Variants in HDGFL2 observed in about 807,000 individuals in gnomAD.
The protein encoded by HDGFL2 is HDGF like 2.
In HDGFL2, 36 loss-of-function variants were observed where a neutral mutation model predicts 77.1. That is an observed-to-expected ratio of 0.47 (90% CI 0.36 to 0.62). The LOEUF (loss-of-function observed/expected upper bound fraction) is 0.62. Ranked by LOEUF, HDGFL2 falls within the 20% of genes least tolerant of loss-of-function variation. The probability of loss-of-function intolerance (pLI) is 0.00; values close to 1 mark genes in which losing one functional copy is unlikely to be tolerated. For missense variants in HDGFL2, 976 were observed against 973.4 expected, an observed-to-expected ratio of 1.00 and a Z score of -0.04; for synonymous variants, 463 against 413.1, an observed-to-expected ratio of 1.12 and a Z score of -1.46.
intron 3 of HDGFL2, among the ~76,000 whole-genome samples, chr19:4,479,040 A>T (rs887051453): frequency 5.9e-5 from 9 of 151,720 alleles, no homozygotes; most frequent in African/African-American, 2.2e-4. Context: ...GGGGTTGCTC[A>T]GATGGGCCAG....
intron 3 of HDGFL2, among the ~76,000 whole-genome samples, chr19:4,487,421 TA>T: frequency 6.6e-6 from 1 of 152,106 alleles, no homozygotes; most frequent in Non-Finnish European, 1.5e-5. Context: ...CACACCTTGC[TA>T]ATATGTGCAT....
chr19:4,497,793 C>T (rs1975745754), intron 10 of HDGFL2, 165 bp from the exon 11 acceptor site: 1 of 629,236 alleles, frequency 1.6e-6, no homozygotes, highest in Non-Finnish European at 2.8e-6. Flanking sequence ...CTGCCCTAGG[C>T]CTAGGCTGTG....
intron 8 of HDGFL2, 23 bp downstream of exon 8, chr19:4,494,080 C>A: frequency 6.4e-7 from 1 of 1,563,716 alleles, no homozygotes; most frequent in East Asian, 2.3e-5. Flanking sequence ...GCTGGGGTCC[C>A]CTCTGGCGGC....
intron 10 of HDGFL2, 29 bp from the exon 11 acceptor site, chr19:4,497,929 G>A: frequency 6.5e-7 from 1 of 1,545,496 alleles, no homozygotes; most frequent in Non-Finnish European, 8.8e-7. Flanking sequence ...CGGTGACGGG[G>A]CCCGACTGAG....
At chr19:4,476,352 C>A (rs1268183000) in intron 3 of HDGFL2, among the ~76,000 whole-genome samples, 1 of 151,352 alleles carries the variant, frequency 6.6e-6, no homozygotes, top group South Asian at 2.1e-4. Flanking sequence ...ACCACCACAC[C>A]CAGCTAATTT....
At chr19:4,475,834 G>T (rs373161225) in intron 3 of HDGFL2, among the ~76,000 whole-genome samples, 1 of 152,072 alleles carries the variant, frequency 6.6e-6, no homozygotes, top group Admixed American at 6.6e-5. Flanking sequence ...TGGGTGGAGG[G>T]GAACGGGATA....
rs781432249 is a variant in HDGFL2, at chr19:4,494,152, C to G, written c.915-14C>G. On this transcript the variant is annotated splice_polypyrimidine_tract_variant and intron_variant, in intron 8 of 15. Transcript: ENST00000616600. ...GGAGGAACGGAGGTCCCCAACCGCC[C>G]CCTCCGCCTCCAGTGACAGCGACGA... 1.2e-5 allele frequency: 18 copies of G among 1,489,620 alleles called. No homozygotes were observed. The East Asian group carries it at 4.0e-4, about 33-fold the overall frequency. 92.3% of individuals were successfully genotyped at this position (1,489,620 alleles called of 1,614,324 possible). A position where few individuals can be genotyped will look rare whatever the true frequency, so the allele number is the denominator to read the frequency against.
chr19:4,498,629 G>A (rs938614535), intron 12 of HDGFL2, among the ~76,000 whole-genome samples, 185 bp from the exon 13 acceptor site: 4 of 152,088 alleles, frequency 2.6e-5, no homozygotes, highest in Non-Finnish European at 5.9e-5. Context: ...CACGTACCTG[G>A]GACCCCAAGT....
Position 4,493,763 on chromosome 19 carries a change from C to A in HDGFL2, c.739C>A (p.Pro247Thr). ...KADSDGAKPEPVAMARSASSS... is the reference protein window; with the variant it reads ...KADSDGAKPETVAMARSASSS... ...CGATTCGGACGGGGCCAAGCCTGAG[C>A]CGGTGGCCATGGCGCGGTCGGCGTC... The change falls in exon 7 of 16, where the codon CCG (proline) becomes ACG (threonine). Residue 247 changes from proline to threonine, a missense_variant. Around this residue, in one of 5 missense-constraint regions of HDGFL2, gnomAD observed 567 missense variants for 534.7 expected, o/e 1.06. Transcript: ENST00000616600. 6.5e-7 allele frequency: 1 copy of A among 1,542,602 alleles called. No individual in the cohort carries two copies. Among genetic ancestry groups the A allele is most frequent in the Non-Finnish European group, 8.8e-7 (1 of 1,140,902 alleles).
At chr19:4,483,988 A>C (rs8104716) in intron 3 of HDGFL2, among the ~76,000 whole-genome samples, 77,386 of 150,056 alleles carry the variant, frequency 0.52, 20,342 homozygotes, top group African/African-American at 0.61. Context: ...ATGGAGTTTC[A>C]TTGTGTTAGC....
At chr19:4,480,700 T>C (rs568234021) in intron 3 of HDGFL2, among the ~76,000 whole-genome samples, 16 of 151,516 alleles carry the variant, frequency 1.1e-4, no homozygotes, top group African/African-American at 3.9e-4. Context: ...GCCTGGGGGA[T>C]AGAGTGAGAC....
At position 4,499,546 on chromosome 19, in the gene HDGFL2, C is replaced by A; in HGVS notation, c.1631C>A (p.Thr544Asn). 1.2e-6 allele frequency: 2 copies of A among 1,613,824 alleles called. No individual in the cohort carries two copies. Among genetic ancestry groups the A allele is most frequent in the Middle Eastern group, 1.6e-4 (1 of 6,062 alleles). ...ATGGAGAAGGCAGCAGAAGTCTATACCCGGCTCAAGTCGCGGGTCCTCGGC... is the reference window on the plus strand; with the variant it reads ...ATGGAGAAGGCAGCAGAAGTCTATAACCGGCTCAAGTCGCGGGTCCTCGGC... Reference protein sequence around the residue: ...DVMEKAAEVYTRLKSRVLGPK... With the variant: ...DVMEKAAEVYNRLKSRVLGPK... The change falls in exon 14 of 16, where the codon ACC (threonine) becomes AAC (asparagine). Residue 544 changes from threonine to asparagine, a missense_variant. Around this residue, in one of 5 missense-constraint regions of HDGFL2, gnomAD observed 229 missense variants for 187.3 expected, o/e 1.22. Coordinates refer to ENST00000616600, the MANE Select transcript of HDGFL2 (RefSeq NM_001001520.3).
chr19:4,496,832 C>T (rs1339442504), intron 10 of HDGFL2: 5 of 390,842 alleles, frequency 1.3e-5, no homozygotes, highest in Non-Finnish European at 2.5e-5. Flanking sequence ...ATCTTGGTCC[C>T]CCTGTGGTGG....
chr19:4,478,303 A>G (rs1410117790), intron 3 of HDGFL2, among the ~76,000 whole-genome samples: 3 of 150,312 alleles, frequency 2.0e-5, no homozygotes, highest in African/African-American at 7.3e-5. Context: ...CCCGGGTTCA[A>G]GCGATTCTCC....
chr19:4,477,855 G>T (rs190344265), intron 3 of HDGFL2, among the ~76,000 whole-genome samples: 2 of 152,206 alleles, frequency 1.3e-5, no homozygotes, highest in East Asian at 3.9e-4. Flanking sequence ...GCTGTGGCTG[G>T]TGGATCACGA....
chr19:4,481,809 G>T (rs1295686674), intron 3 of HDGFL2, among the ~76,000 whole-genome samples: 1 of 152,190 alleles, frequency 6.6e-6, no homozygotes, highest in East Asian at 1.9e-4. Context: ...CCCTCAGCGG[G>T]CTCCTGGGAG....
intron 9 of HDGFL2, among the ~76,000 whole-genome samples, chr19:4,495,709 G>C (rs567036542): frequency 1.3e-5 from 2 of 152,150 alleles, no homozygotes. Flanking sequence ...GCCCTCACTC[G>C]GGTGCTCTCG....
At chr19:4,495,015 TG>T (rs987376509) in intron 9 of HDGFL2, among the ~76,000 whole-genome samples, 12 of 151,572 alleles carry the variant, frequency 7.9e-5, no homozygotes, top group African/African-American at 2.4e-4. Context: ...TAAAGTGGGG[TG>T]GGGGGTTTCT....
At chr19:4,486,943 C>A (rs932110230) in intron 3 of HDGFL2, among the ~76,000 whole-genome samples, 1 of 152,124 alleles carries the variant, frequency 6.6e-6, no homozygotes, top group African/African-American at 2.4e-5. Flanking sequence ...TCCTCGATCA[C>A]CCAGTGCTAA....
Sources: allele counts gnomAD v4.1 joint callset (sites outside exome capture counted in the v4.1 genomes callset), GRCh38; gene constraint gnomAD v4.1.1; regional missense constraint gnomAD v4.1.1; transcripts MANE v1.5; gene names NCBI Gene and HGNC (gene_info 2026-07-23, HGNC 2026-07-21).